The following CASP9 variants were observed in gnomAD, a reference collection of about 807,000 sequenced individuals.
CASP9 encodes caspase-9.
A neutral mutation model predicts 43.5 loss-of-function variants in CASP9; 29 were observed. The ratio of observed to expected loss-of-function variants is 0.67; its 90% CI spans 0.50 to 0.91. The LOEUF (loss-of-function observed/expected upper bound fraction) is 0.91. CASP9 is among the 40% of genes least tolerant of loss of function. CASP9 has a pLI of 0.00. For synonymous variants in CASP9, 206 were observed against 211.9 expected (o/e 0.97, Z 0.24); for missense variants, 575 against 537.4 (o/e 1.07, Z -0.69).
rs763564932 is a variant in CASP9 at position 15,524,132 on chromosome 1, G to T, written c.69C>A (p.Asp23Glu). The T allele has an allele frequency of 9.7e-6, 15 of 1,541,288 alleles. No homozygotes were observed. The highest frequency in any genetic ancestry group is 4.5e-4 in the Middle Eastern group (2 of 4,406). The change falls in exon 1 of 9, where the codon GAC (aspartate) becomes GAA (glutamate). Residue 23 changes from aspartate to glutamate, a missense_variant. Transcript: ENST00000333868. ...GGCTCAGCAGGGCGTCCCAGAGCTGGTCCACCTGCAGCTCTTCCACCAGCC... is the reference window on the plus strand; with the variant it reads ...GGCTCAGCAGGGCGTCCCAGAGCTGTTCCACCTGCAGCTCTTCCACCAGCC... Reference protein sequence around the residue: ...RLRLVEELQVDQLWDALLSRE... With the variant: ...RLRLVEELQVEQLWDALLSRE...
At chr1:15,524,853 TC>T, upstream of CASP9, 1 of 800,438 alleles carries the variant, frequency 1.2e-6, no homozygotes, top group South Asian at 5.7e-5. Context: ...AGGACGCACC[TC>T]AGCGCCTCGC....
chr1:15,506,442 T>TG (rs1405528985), intron 4 of CASP9, among the ~76,000 whole-genome samples: 4 of 151,240 alleles, frequency 2.6e-5, no homozygotes, highest in South Asian at 2.1e-4. Flanking sequence ...GATGACAGAG[T>TG]GGGACTCTGT....
Position 15,518,203 on chromosome 1 carries a change from C to G in CASP9, c.325G>C (p.Val109Leu). The G allele has an allele frequency of 6.2e-7, 1 of 1,614,212 alleles. No homozygotes were observed. Among genetic ancestry groups the G allele is most frequent in the Non-Finnish European group, 8.5e-7 (1 of 1,180,034 alleles). The change falls in exon 2 of 9, where the codon GTG becomes CTG. Residue 109 changes from valine (V) to leucine (L), a missense_variant. By Grantham distance (32) the Val-to-Leu change is conservative. Transcript: ENST00000333868. Reference protein sequence around the residue: ...SKPTLENLTPVVLRPEIRKPE... With the variant: ...SKPTLENLTPLVLRPEIRKPE... ...TTGCGAATCTCTGGTCTGAGCACCACTGGGGTAAGGTTTTCTAGGGTTGGC... is the reference window on the plus strand; with the variant it reads ...TTGCGAATCTCTGGTCTGAGCACCAGTGGGGTAAGGTTTTCTAGGGTTGGC...
rs541165997 is a variant in CASP9, at chr1:15,520,613, G to A, written c.133-2218C>T. 2.7e-3 allele frequency among the ~76,000 whole-genome samples: 417 copies of A among 152,324 alleles called. 1 individual carries two copies. The highest frequency in any genetic ancestry group is 9.6e-3 in the African/African-American group (398 of 41,574). ...CCGCTTGAGGGCTCCTTGGTCAAGC[G>A]GTAATGCCAGTGTCTGGGGAGACAC... is the stretch of plus-strand genomic sequence containing the variant. On this transcript the variant is annotated intron_variant, in intron 1 of 8. Transcript: ENST00000333868.
chr1:15,495,501 A>G (rs1269739409), intron 6 of CASP9, 49 bp from the exon 7 acceptor site: 6 of 1,470,002 alleles, frequency 4.1e-6, no homozygotes, highest in Non-Finnish European at 5.5e-6. Context: ...TACACAGACA[A>G]GGATGGTTCA....
At position 15,495,733 on chromosome 1, in the gene CASP9, G is replaced by C. The variant is rs371808479; in HGVS notation, c.869-281C>G. ...GAAATTCCTGGTGAGCTCCAAGATA[G>C]TTGTCTGATAAAATTCACCACGGCA... is the stretch of plus-strand genomic sequence containing the variant. On this transcript the variant is annotated intron_variant, in intron 6 of 8. Transcript: ENST00000333868. Among the ~76,000 whole-genome samples the C allele has an allele frequency of 8.5e-5, 13 of 152,272 alleles. No homozygotes were observed. In the East Asian group the frequency reaches 2.1e-3, roughly 25 times the overall value.
chr1:15,495,121 G>A (rs1709056144), intron 7 of CASP9, 152 bp downstream of exon 7: 1 of 730,388 alleles, frequency 1.4e-6, no homozygotes, highest in Non-Finnish European at 2.2e-6. Flanking sequence ...CCTGAGCCGA[G>A]GCTCAGAGAG....
At chr1:15,510,964 G>A (rs984986340) in intron 2 of CASP9, among the ~76,000 whole-genome samples, 30 of 152,158 alleles carry the variant, frequency 2.0e-4, no homozygotes, top group Admixed American at 1.5e-3. Context: ...AACCTATGCT[G>A]GAATCACCCC....
At chr1:15,523,257 C>T (rs933218468) in intron 1 of CASP9, among the ~76,000 whole-genome samples, 1 of 152,222 alleles carries the variant, frequency 6.6e-6, no homozygotes, top group African/African-American at 2.4e-5. Context: ...GCTGATCCCC[C>T]GCTCTGTGCC....
rs565303189 is a variant in CASP9 at position 15,491,703 on chromosome 1, A to G, written c.*1240T>C. 10 of 194,276 alleles carry G rather than the reference A, an allele frequency of 5.1e-5. No homozygotes were observed. In the South Asian group the frequency reaches 9.5e-4, roughly 18 times the overall value. 12.0% of individuals were successfully genotyped at this position (194,276 alleles called of 1,614,324 possible). A position where few individuals can be genotyped will look rare whatever the true frequency, so the allele number is the denominator to read the frequency against. ...AGCCCAGGAGGTCGAGACTGCAATA[A>G]GCCAAGATTGCGTCATTGCACTCCA... On this transcript the variant is annotated 3_prime_UTR_variant, in exon 9 of 9. Coordinates refer to ENST00000333868, the MANE Select transcript of CASP9 (RefSeq NM_001229.5).
intron 8 of CASP9, chr1:15,493,259 T>C (rs1179751285): frequency 1.4e-6 from 2 of 1,392,724 alleles, no homozygotes; most frequent in East Asian, 2.7e-5. Flanking sequence ...CAGACTGAAA[T>C]ATTTGCAAGG....
chr1:15,504,572 C>T (rs762341845), intron 6 of CASP9, 39 bp downstream of exon 6: 2 of 1,586,692 alleles, frequency 1.3e-6, no homozygotes, highest in East Asian at 2.2e-5. Context: ...GCTCCCTCCC[C>T]ACCAGACCCA....
chr1:15,506,000 TGAGA>T lies in CASP9; in HGVS notation c.706_709del (p.Ser236ThrfsTer28), dbSNP rs771514433. On this transcript the variant is annotated frameshift_variant, in exon 5 of 9. Coordinates refer to ENST00000333868, the MANE Select transcript of CASP9 (RefSeq NM_001229.5). LOFTEE classifies it high-confidence loss of function. ...TGGGAGGCTTCCTACCTGACAGCCGTGAGAGAGAATGACCACCACGCAGCAGTCC... is the reference window on the plus strand; with the variant it reads ...TGGGAGGCTTCCTACCTGACAGCCGTGAGAATGACCACCACGCAGCAGTCC... 6.2e-6 allele frequency: 10 copies of T among 1,613,792 alleles called. No homozygotes were observed. Among genetic ancestry groups the T allele is most frequent in the South Asian group, 4.4e-5 (4 of 91,070 alleles).
At chr1:15,506,454 C>T (rs1049242070) in intron 4 of CASP9, among the ~76,000 whole-genome samples, 7 of 151,666 alleles carry the variant, frequency 4.6e-5, no homozygotes, top group Non-Finnish European at 8.8e-5. Flanking sequence ...GGACTCTGTG[C>T]CCCCGCCCCC....
chr1:15,493,807 T>C (rs1708986174), intron 8 of CASP9, 85 bp downstream of exon 8: 1 of 1,528,628 alleles, frequency 6.5e-7, no homozygotes, highest in African/African-American at 1.5e-5. Context: ...GGGCCTGCCC[T>C]GCTCACCCCA....
chr1:15,493,618 C>G, intron 8 of CASP9: 1 of 1,438,126 alleles, frequency 7.0e-7, no homozygotes, highest in South Asian at 1.5e-5. Flanking sequence ...CACTGAGGAC[C>G]AGCTCCATCA....
chr1:15,504,735 C>T lies in CASP9; in HGVS notation c.744G>A (p.Gly248=). The change falls in exon 6 of 9, where the codon GGG becomes GGA. Residue 248 remains glycine, a synonymous_variant. Coordinates refer to ENST00000333868, the MANE Select transcript of CASP9 (RefSeq NM_001229.5). ...GCQASHLQFP[G]AVYGTDGCPV... ...GGCATCCATCTGTGCCGTAGACAGC[C>T]CCTGGGAACTGCAGGTGGCTGGCCT... The T allele has an allele frequency of 6.2e-7, 1 of 1,613,656 alleles. No individual in the cohort carries two copies. The highest frequency in any genetic ancestry group is 1.1e-5 in the South Asian group (1 of 91,008).
At chr1:15,507,772 G>C in intron 3 of CASP9, 101 bp downstream of exon 3, 1 of 1,166,826 alleles carries the variant, frequency 8.6e-7, no homozygotes, top group African/African-American at 1.5e-5. Context: ...CCTAGGGTTG[G>C]GTTCCCTGGG....
intron 2 of CASP9, among the ~76,000 whole-genome samples, chr1:15,512,260 G>C (rs1465103534): frequency 1.3e-5 from 2 of 152,162 alleles, no homozygotes; most frequent in Non-Finnish European, 2.9e-5. Flanking sequence ...CTAGATCACA[G>C]GGTACCCAAA....
Sources: gnomAD v4.1 joint callset for allele counts (sites outside exome capture counted in the v4.1 genomes callset) on GRCh38, gnomAD v4.1.1 for gene constraint, MANE v1.5 for transcripts, NCBI Gene and HGNC (gene_info 2026-07-23, HGNC 2026-07-21) for gene names.